CLCF1: variants seen among roughly 807,000 people sequenced by gnomAD.
The protein encoded by CLCF1 is cardiotrophin-like cytokine factor 1.
In CLCF1, 10 loss-of-function variants were observed where a neutral mutation model predicts 21.2. The observed-to-expected ratio is 0.47, with a 90% CI of 0.29 to 0.80. CLCF1 has a LOEUF of 0.80. CLCF1 is among the 30% of genes least tolerant of loss of function. CLCF1 has a pLI of 0.09. For missense variants in CLCF1, 240 were observed against 293.4 expected (o/e 0.82, Z 1.33); for synonymous variants, 115 against 120.5 (o/e 0.95, Z 0.30).
chr11:67,368,036 C>T (rs1862153640), intron 1 of CLCF1: 1 of 985,214 alleles, frequency 1.0e-6, no homozygotes, highest in Non-Finnish European at 1.2e-6. Flanking sequence ...TTCAGTCCCA[C>T]TGCAGCTTGA....
At chr11:67,369,771 T>C (rs547309424) in intron 1 of CLCF1, 27 of 985,390 alleles carry the variant, frequency 2.7e-5, no homozygotes, top group Non-Finnish European at 3.3e-5. Context: ...GGCTCTGCCT[T>C]TGTCATGGCC....
At chr11:67,370,376 C>G (rs1862202798) in intron 1 of CLCF1, 2 of 984,798 alleles carry the variant, frequency 2.0e-6, no homozygotes, top group Non-Finnish European at 2.4e-6. Context: ...TCCTAGGTCC[C>G]CCTCTCCCCC....
At chr11:67,368,466 C>T in intron 1 of CLCF1, 1 of 985,202 alleles carries the variant, frequency 1.0e-6, no homozygotes, top group East Asian at 1.1e-4. Flanking sequence ...TTGGACATCC[C>T]AGGATACCAG....
Position 67,365,680 on chromosome 11 carries a change from TCAC to T in CLCF1, c.184-53_184-51del. The T allele has an allele frequency of 1.3e-6, 2 of 1,558,892 alleles. No individual in the cohort carries two copies. Among genetic ancestry groups the T allele is most frequent in the Non-Finnish European group, 1.7e-6 (2 of 1,150,138 alleles). On this transcript the variant is annotated intron_variant, in intron 2 of 2. Transcript: ENST00000312438. The surrounding 1 kb of genome is among the most constrained non-coding windows in gnomAD (Gnocchi z 5.0). ...GAAGGAGGAGGGCAGAGCCGCTGGC[TCAC>T]CACCAAGGAGATACCTGCTCCCAAA...
At chr11:67,370,728 G>GC in intron 1 of CLCF1, 1 of 985,406 alleles carries the variant, frequency 1.0e-6, no homozygotes, top group African/African-American at 1.7e-5. Context: ...TTAGCCAGCT[G>GC]CCCCTCAGTC....
At position 67,365,001 on chromosome 11, in the gene CLCF1, C is replaced by A. The variant is rs530769728; in HGVS notation, c.*135G>T. On this transcript the variant is annotated 3_prime_UTR_variant, in exon 3 of 3. Transcript: ENST00000312438. This position sits in a 1 kb window ranked among gnomAD's most constrained non-coding sequence, Gnocchi z 5.0. ...AGGAGACAGGGCTGATCGCATCACA[C>A]GCCCAGCCGGTCCAGGAAAGGGCCA... The A allele has an allele frequency of 3.4e-6, 5 of 1,470,134 alleles. No individual in the cohort carries two copies. In the South Asian group the frequency reaches 5.1e-5, roughly 15 times the overall value. 91.1% of individuals were successfully genotyped at this position (1,470,134 alleles called of 1,614,324 possible). A position where few individuals can be genotyped will look rare whatever the true frequency, so the allele number is the denominator to read the frequency against.
rs1036932658 is a variant in CLCF1 at position 67,364,905 on chromosome 11, C to A, written c.*231G>T. The stretch of plus-strand genomic sequence containing the variant: ...CTTCACACTCCCTCGAGCATGACTT[C>A]CTGTAGAAACAGGACAGGACAGGGC... On this transcript the variant is annotated 3_prime_UTR_variant, in exon 3 of 3. Transcript: ENST00000312438. The A allele has an allele frequency of 1.6e-6, 1 of 632,502 alleles. No homozygotes were observed. The highest frequency in any genetic ancestry group is 2.7e-6 in the Non-Finnish European group (1 of 376,838). The allele number at this position is 632,502 out of a possible 1,614,324, so 39.2% of individuals were successfully genotyped here.
chr11:67,368,380 C>T (rs1175066285), intron 1 of CLCF1: 1 of 985,204 alleles, frequency 1.0e-6, no homozygotes, highest in East Asian at 1.1e-4. Flanking sequence ...TTTCCATCAG[C>T]CTGCAAGGGT....
chr11:67,373,585 T>TGGCGGAGTGGGAGGGCGAGCCGCGGCTCC lies in CLCF1; in HGVS notation c.-47_-46insGGAGCCGCGGCTCGCCCTCCCACTCCGCC. The TGGCGGAGTGGGAGGGCGAGCCGCGGCTCC allele has an allele frequency of 7.5e-7, 1 of 1,335,610 alleles. No individual in the cohort carries two copies. The highest frequency in any genetic ancestry group is 9.6e-7 in the Non-Finnish European group (1 of 1,042,674). The allele number at this position is 1,335,610 out of a possible 1,614,324, so 82.7% of individuals were successfully genotyped here. A position where few individuals can be genotyped will look rare whatever the true frequency, so the allele number is the denominator to read the frequency against. On this transcript the variant is annotated 5_prime_UTR_variant, in exon 1 of 3. Transcript: ENST00000312438. ...CGGGTGCGGCTCCTCTCCCGGAGGC[T>TGGCGGAGTGGGAGGGCGAGCCGCGGCTCC]GGCGGAGTGGGAGGGCGAGCCGCGG...
intron 1 of CLCF1, chr11:67,370,630 A>ACTCT (rs956291572): frequency 2.3e-6 from 2 of 877,932 alleles, no homozygotes. Context: ...ACACACACAC[A>ACTCT]CTCTCTCTCT....
chr11:67,368,190 C>T (rs1790738), intron 1 of CLCF1: 38,716 of 985,208 alleles, frequency 0.039, 1,156 homozygotes, highest in African/African-American at 0.14. Flanking sequence ...CCACTAGGGT[C>T]GGGCTGCCTT....
intron 1 of CLCF1, chr11:67,370,697 G>T: frequency 1.0e-6 from 1 of 985,370 alleles, no homozygotes; most frequent in African/African-American, 1.7e-5. Context: ...GCGCACCCGT[G>T]AGCACATGTC....
rs1479659545 is a variant in CLCF1 at position 67,368,904 on chromosome 11, TTTTTTTCC to T, written c.17-1286_17-1279del. ...GAGTGGTTTCTTTCCTATAGTTCTT[TTTTTTTCC>T]TTTTTTTTTTTTTTTTTTGCTGCCA... On this transcript the variant is annotated intron_variant, in intron 1 of 2. Transcript: ENST00000312438. 1,472 of 889,120 alleles carry T rather than the reference TTTTTTTCC, an allele frequency of 1.7e-3. 3 individuals carry two copies. Among genetic ancestry groups the T allele is most frequent in the East Asian group, 3.8e-3 (24 of 6,270 alleles). 55.1% of individuals were successfully genotyped at this position (889,120 alleles called of 1,614,324 possible).
Position 67,364,597 on chromosome 11 carries a change from A to G in CLCF1, c.*539T>C. 6.2e-6 allele frequency: 1 copy of G among 160,326 alleles called. No homozygotes were observed. Among genetic ancestry groups the G allele is most frequent in the South Asian group, 1.8e-4 (1 of 5,592 alleles). 9.9% of individuals were successfully genotyped at this position (160,326 alleles called of 1,614,324 possible). ...TCTTCTGGTTTATAGGGCACCTCCA[A>G]TGCAGACCCCAACCCTGCACTGTTA... is the stretch of plus-strand genomic sequence containing the variant. On this transcript the variant is annotated 3_prime_UTR_variant, in exon 3 of 3. Coordinates refer to ENST00000312438, the MANE Select transcript of CLCF1 (RefSeq NM_013246.3).
At position 67,369,995 on chromosome 11, in the gene CLCF1, CTG is replaced by C. The variant is rs1862194204; in HGVS notation, c.17-2371_17-2370del. The C allele has an allele frequency of 6.1e-6, 6 of 985,054 alleles. No homozygotes were observed. The Admixed American group carries it at 1.8e-4, about 30-fold the overall frequency. The allele number at this position is 985,054 out of a possible 1,614,324, so 61.0% of individuals were successfully genotyped here. On this transcript the variant is annotated intron_variant, in intron 1 of 2. Transcript: ENST00000312438. ...CAGGAATATTTCAGTTCTGAGGTAA[CTG>C]TGTCGTTGCAGGCTGCGGGTGGGGG...
rs1862198231 is a variant in CLCF1 at position 67,370,180 on chromosome 11, GC to G, written c.17-2555del. ...CAGCTTCCACTCTGGGCAAAGCCATGCCCGTGTCTCAGGCAGCAGGAGGGAA... is the reference window on the plus strand; with the variant it reads ...CAGCTTCCACTCTGGGCAAAGCCATGCCGTGTCTCAGGCAGCAGGAGGGAA... On this transcript the variant is annotated intron_variant, in intron 1 of 2. Transcript: ENST00000312438. 3 of 985,304 alleles carry G rather than the reference GC, an allele frequency of 3.0e-6. No homozygotes were observed. In the East Asian group the frequency reaches 3.4e-4, roughly 112 times the overall value. 61.0% of individuals were successfully genotyped at this position (985,304 alleles called of 1,614,324 possible).
At chr11:67,368,527 G>T in intron 1 of CLCF1, 1 of 985,368 alleles carries the variant, frequency 1.0e-6, no homozygotes. Context: ...GGGCAGTGGG[G>T]AAATATGCTT....
In CLCF1 at chr11:67,365,359, G is replaced by C. The variant is rs1163142580; in HGVS notation, c.455C>G (p.Ala152Gly). The C allele has an allele frequency of 6.2e-7, 1 of 1,613,196 alleles. No individual in the cohort carries two copies. Among genetic ancestry groups the C allele is most frequent in the South Asian group, 1.1e-5 (1 of 91,044 alleles). The stretch of plus-strand genomic sequence containing the variant: ...CTGGGGCAGTGGGTAGCCCAGAGCT[G>C]CCATGACGCCCGCAATGCTGCCCAG... Reference protein sequence around the residue: ...GLLGSIAGVMAALGYPLPQPL... With the variant: ...GLLGSIAGVMGALGYPLPQPL... The change falls in exon 3 of 3, where the codon GCA becomes GGA. Residue 152 changes from alanine to glycine, a missense_variant. Transcript: ENST00000312438. This position sits in a 1 kb window ranked among gnomAD's most constrained non-coding sequence, Gnocchi z 5.0.
At chr11:67,370,461 A>G in intron 1 of CLCF1, 5 of 977,028 alleles carry the variant, frequency 5.1e-6, no homozygotes, top group Non-Finnish European at 6.0e-6. Flanking sequence ...GATTGTTTAC[A>G]TCCCGTCTTC....
Sources: allele counts gnomAD v4.1 joint callset, GRCh38; gene constraint gnomAD v4.1.1; non-coding constraint Gnocchi (gnomAD v3.1); transcripts MANE v1.5; gene names NCBI Gene and HGNC (gene_info 2026-07-23, HGNC 2026-07-21).